PTPRD: variants seen among roughly 807,000 people sequenced by gnomAD.
PTPRD encodes the protein protein tyrosine phosphatase receptor type D.
A neutral mutation model predicts 214.5 loss-of-function variants in PTPRD; 34 were observed. That is an observed-to-expected ratio of 0.16 (90% CI 0.12 to 0.21). The LOEUF is 0.21. Among genes scored for constraint, PTPRD ranks in the 10% least tolerant of loss-of-function variants. The pLI, the probability that PTPRD is intolerant of heterozygous loss-of-function variation, is 1.00. For synonymous variants in PTPRD, 1,128 were observed against 845.7 expected (o/e 1.33, Z -5.79); for missense variants, 2,545 against 2,398.7 (o/e 1.06, Z -1.27).
chr9:8,964,190 GTGTT>G (rs1232304143), intron 11 of PTPRD, among the ~76,000 whole-genome samples: 3 of 52,954 alleles, frequency 5.7e-5, no homozygotes, highest in African/African-American at 1.4e-4. Context: ...GTTCAGGGCT[GTGTT>G]TTTTTTTTTT....
intron 3 of PTPRD, among the ~76,000 whole-genome samples, chr9:10,254,032 C>T (rs1233111447): frequency 6.6e-6 from 1 of 152,124 alleles, no homozygotes. Flanking sequence ...CACATTTCCC[C>T]GTAATCTTAA....
chr9:9,418,277 C>T (rs1333113), intron 8 of PTPRD, among the ~76,000 whole-genome samples: 87,492 of 151,840 alleles, frequency 0.58, 25,913 homozygotes, highest in Middle Eastern at 0.74. Context: ...GGGTTTTCTG[C>T]TTAGGCATCC....
At chr9:10,536,654 C>T (rs748958273) in intron 2 of PTPRD, among the ~76,000 whole-genome samples, 14 of 152,028 alleles carry the variant, frequency 9.2e-5, no homozygotes, top group Admixed American at 2.6e-4. Context: ...GCACACTCCA[C>T]GCTGATAAGC....
chr9:9,523,231 C>A (rs1003525466), intron 8 of PTPRD, among the ~76,000 whole-genome samples: 1 of 152,040 alleles, frequency 6.6e-6, no homozygotes, highest in African/African-American at 2.4e-5. Context: ...GTACTTTAGG[C>A]AAAGATTATA....
chr9:9,655,640 C>T (rs562474234), intron 7 of PTPRD, among the ~76,000 whole-genome samples: 13 of 151,508 alleles, frequency 8.6e-5, no homozygotes, highest in Admixed American at 4.6e-4. Context: ...CAAACCAAAC[C>T]GGAAAAACAC....
At chr9:9,178,435 G>T (rs1404502262) in intron 10 of PTPRD, among the ~76,000 whole-genome samples, 1 of 151,548 alleles carries the variant, frequency 6.6e-6, no homozygotes, top group East Asian at 1.9e-4. Context: ...GAATAAAAAT[G>T]ATTTGAATCA....
intron 2 of PTPRD, among the ~76,000 whole-genome samples, chr9:10,596,187 T>C (rs2133143243): frequency 6.6e-6 from 1 of 151,894 alleles, no homozygotes; most frequent in East Asian, 1.9e-4. Flanking sequence ...TCACGTTCAG[T>C]AATCCAGTAA....
chr9:10,578,240 G>A (rs190006158), intron 2 of PTPRD, among the ~76,000 whole-genome samples: 12 of 152,058 alleles, frequency 7.9e-5, no homozygotes, highest in South Asian at 2.1e-4. Context: ...AGGGTTTCTC[G>A]AATGTCTCCT....
intron 2 of PTPRD, among the ~76,000 whole-genome samples, chr9:10,500,922 C>T (rs1035136766): frequency 6.6e-5 from 10 of 151,776 alleles, no homozygotes; most frequent in African/African-American, 2.4e-4. Flanking sequence ...ACCACGTTTT[C>T]TTTATCCGTT....
intron 9 of PTPRD, among the ~76,000 whole-genome samples, chr9:9,387,188 G>A (rs916701680): frequency 6.6e-6 from 1 of 152,160 alleles, no homozygotes; most frequent in African/African-American, 2.4e-5. Flanking sequence ...AATGTTTTCA[G>A]TGTGTGTTTA....
At chr9:8,870,293 A>C (rs1404871917) in intron 11 of PTPRD, among the ~76,000 whole-genome samples, 1 of 152,128 alleles carries the variant, frequency 6.6e-6, no homozygotes, top group Non-Finnish European at 1.5e-5. Context: ...CCTTTTGTAG[A>C]ATAAAACTAC....
At chr9:10,085,173 A>G in intron 3 of PTPRD, among the ~76,000 whole-genome samples, 1 of 151,896 alleles carries the variant, frequency 6.6e-6, no homozygotes, top group East Asian at 1.9e-4. Flanking sequence ...CATTTAGTAC[A>G]GTATTATATG....
At chr9:8,360,561 A>G (rs1281433405) in intron 39 of PTPRD, among the ~76,000 whole-genome samples, 1 of 152,190 alleles carries the variant, frequency 6.6e-6, no homozygotes, top group Non-Finnish European at 1.5e-5. Context: ...ATCTCTTCAT[A>G]TATGATGATT....
chr9:9,335,933 A>G (rs1052005140), intron 9 of PTPRD, among the ~76,000 whole-genome samples: 14 of 152,120 alleles, frequency 9.2e-5, no homozygotes, highest in Non-Finnish European at 1.8e-4. Context: ...TTCATTTCCA[A>G]TAATAGGAGA....
At chr9:8,644,453 G>T (rs1388015000) in intron 12 of PTPRD, among the ~76,000 whole-genome samples, 1 of 152,198 alleles carries the variant, frequency 6.6e-6, no homozygotes, top group East Asian at 1.9e-4. Context: ...CAGCCAACTG[G>T]CAAGGCTAAA....
At chr9:10,494,846 T>C (rs1189032364) in intron 2 of PTPRD, among the ~76,000 whole-genome samples, 1 of 151,572 alleles carries the variant, frequency 6.6e-6, no homozygotes, top group Non-Finnish European at 1.5e-5. Context: ...TTCCTAAAAA[T>C]TCTAGTATTG....
intron 33 of PTPRD, among the ~76,000 whole-genome samples, chr9:8,457,086 T>G (rs2096235469): frequency 6.6e-6 from 1 of 152,188 alleles, no homozygotes; most frequent in Non-Finnish European, 1.5e-5. Flanking sequence ...GTACCAATAC[T>G]ATTATCTGGT....
chr9:10,164,055 A>G (rs1337387833), intron 3 of PTPRD, among the ~76,000 whole-genome samples: 1 of 151,516 alleles, frequency 6.6e-6, no homozygotes, highest in African/African-American at 2.4e-5. Flanking sequence ...GGATAGAAGA[A>G]TATCATCACT....
intron 8 of PTPRD, among the ~76,000 whole-genome samples, chr9:9,547,027 G>C (rs1190136108): frequency 6.6e-6 from 1 of 151,668 alleles, no homozygotes; most frequent in Non-Finnish European, 1.5e-5. Flanking sequence ...ATAGAGCAGG[G>C]GAAGACTATG....
Sources: allele counts gnomAD v4.1 joint callset (sites outside exome capture counted in the v4.1 genomes callset), GRCh38; gene constraint gnomAD v4.1.1; transcripts MANE v1.5; gene names NCBI Gene and HGNC (gene_info 2026-07-23, HGNC 2026-07-21).